The following OPCML variants were observed in gnomAD, a reference collection of about 807,000 sequenced individuals.
OPCML encodes opioid binding protein/cell adhesion molecule like, also known as opioid-binding protein/cell adhesion molecule.
OPCML carries 13 observed loss-of-function variants against 37.8 expected under a neutral mutation model. The observed-to-expected ratio is 0.34, with a 90% CI of 0.22 to 0.55. The LOEUF (loss-of-function observed/expected upper bound fraction) is 0.55, where lower values mean the gene tolerates loss of function less well. Among genes scored for constraint, OPCML ranks in the 20% least tolerant of loss-of-function variants. The pLI, the probability that OPCML is intolerant of heterozygous loss-of-function variation, is 0.91. For synonymous variants in OPCML, 176 were observed against 168.8 expected (o/e 1.04, Z -0.33); for missense variants, 341 against 435.6 (o/e 0.78, Z 1.93).
chr11:132,909,221 T>TA (rs916273465), intron 2 of OPCML, among the ~76,000 whole-genome samples: 24 of 151,280 alleles, frequency 1.6e-4, no homozygotes, highest in Admixed American at 3.9e-4. Context: ...ATCCACACTT[T>TA]AAAAAAAAAT....
intron 1 of OPCML, among the ~76,000 whole-genome samples, chr11:133,243,401 A>T (rs1002195244): frequency 6.6e-6 from 1 of 152,164 alleles, no homozygotes; most frequent in African/African-American, 2.4e-5. Context: ...TGTTGCAATA[A>T]CCAGCCACCA....
intron 3 of OPCML, among the ~76,000 whole-genome samples, chr11:132,539,017 T>A (rs902709560): frequency 6.6e-6 from 1 of 152,232 alleles, no homozygotes; most frequent in Admixed American, 6.5e-5. Flanking sequence ...TGACAACATA[T>A]GTATAACGAT....
intron 1 of OPCML, among the ~76,000 whole-genome samples, chr11:133,119,122 AG>A (rs1949382330): frequency 6.6e-6 from 1 of 152,026 alleles, no homozygotes; most frequent in East Asian, 1.9e-4. Flanking sequence ...CAACTTCTAC[AG>A]CCATCGTGCC....
chr11:132,927,333 A>C (rs978616054), intron 2 of OPCML, among the ~76,000 whole-genome samples: 1 of 152,164 alleles, frequency 6.6e-6, no homozygotes, highest in African/African-American at 2.4e-5. Context: ...AAAGATTCTC[A>C]ACAAGATCAT....
At chr11:132,828,621 C>T (rs1367760991) in intron 2 of OPCML, among the ~76,000 whole-genome samples, 2 of 143,692 alleles carry the variant, frequency 1.4e-5, no homozygotes, top group East Asian at 3.9e-4. Context: ...TATTGTTCAC[C>T]AACAGAAAAA....
At chr11:133,046,682 C>G (rs1948024111) in intron 1 of OPCML, among the ~76,000 whole-genome samples, 1 of 152,194 alleles carries the variant, frequency 6.6e-6, no homozygotes, top group African/African-American at 2.4e-5. Flanking sequence ...GGTGCCCATA[C>G]TGTGGTTCAC....
At chr11:132,977,512 A>G (rs1392418191) in intron 1 of OPCML, among the ~76,000 whole-genome samples, 1 of 152,262 alleles carries the variant, frequency 6.6e-6, no homozygotes, top group African/African-American at 2.4e-5. Flanking sequence ...CACTCACTGT[A>G]AATGCAGCCA....
intron 1 of OPCML, among the ~76,000 whole-genome samples, chr11:133,137,440 C>T (rs1400700162): frequency 6.6e-6 from 1 of 152,116 alleles, no homozygotes; most frequent in African/African-American, 2.4e-5. Flanking sequence ...TATTACTTGC[C>T]ATGTGTCTGT....
chr11:132,753,362 T>C (rs1945905152), intron 2 of OPCML, among the ~76,000 whole-genome samples: 2 of 152,186 alleles, frequency 1.3e-5, no homozygotes, highest in African/African-American at 4.8e-5. Flanking sequence ...ATTATGAGAG[T>C]TGCGAAGTCC....
At chr11:132,527,136 G>A (rs1278504383) in intron 4 of OPCML, among the ~76,000 whole-genome samples, 2 of 151,922 alleles carry the variant, frequency 1.3e-5, no homozygotes, top group Non-Finnish European at 2.9e-5. Context: ...GCCTGTCAAT[G>A]GTTATTTGGG....
In OPCML at chr11:132,936,369, T is replaced by C. The variant is rs1402422308; in HGVS notation, c.146+6557A>G. On this transcript the variant is annotated intron_variant, in intron 2 of 7. Transcript: ENST00000524381. ...CACATGATAACCATGTGACCAAAGG[T>C]AAGTGGTTTAACTTTTCTAAACCTG... is the stretch of plus-strand genomic sequence containing the variant. 3.3e-5 allele frequency among the ~76,000 whole-genome samples: 5 copies of C among 152,142 alleles called. No homozygotes were observed. In the East Asian group the frequency reaches 5.8e-4, roughly 18 times the overall value.
intron 2 of OPCML, among the ~76,000 whole-genome samples, chr11:132,866,334 T>G (rs989511043): frequency 6.6e-6 from 1 of 152,230 alleles, no homozygotes. Context: ...AAGCGCATCA[T>G]GAAATCATCA....
intron 1 of OPCML, among the ~76,000 whole-genome samples, chr11:133,472,208 T>C (rs1947132087): frequency 6.6e-6 from 1 of 152,186 alleles, no homozygotes; most frequent in Non-Finnish European, 1.5e-5. Flanking sequence ...TCAAATCCTC[T>C]GCAAATGCCA....
At chr11:133,080,209 C>G (rs1381493144) in intron 1 of OPCML, among the ~76,000 whole-genome samples, 2 of 152,142 alleles carry the variant, frequency 1.3e-5, no homozygotes, top group African/African-American at 4.8e-5. Flanking sequence ...AATCAACCTG[C>G]GGGACTGTAG....
chr11:133,323,897 C>G (rs577217342), intron 1 of OPCML, among the ~76,000 whole-genome samples: 1 of 152,196 alleles, frequency 6.6e-6, no homozygotes, highest in Non-Finnish European at 1.5e-5. Flanking sequence ...GGCTTGGTCT[C>G]TCCAATTCAG....
chr11:133,079,156 C>T (rs944729773), intron 1 of OPCML, among the ~76,000 whole-genome samples: 7 of 152,106 alleles, frequency 4.6e-5, no homozygotes, highest in Non-Finnish European at 8.8e-5. Context: ...AGACATTTGC[C>T]GTTGGCAAGC....
intron 7 of OPCML, among the ~76,000 whole-genome samples, chr11:132,424,649 C>A (rs899622233): frequency 6.6e-6 from 1 of 152,118 alleles, no homozygotes; most frequent in Non-Finnish European, 1.5e-5. Flanking sequence ...TAAATTCTGA[C>A]CCTGTGGGTT....
At chr11:133,284,638 T>G (rs1284817517) in intron 1 of OPCML, among the ~76,000 whole-genome samples, 1 of 152,142 alleles carries the variant, frequency 6.6e-6, no homozygotes, top group Non-Finnish European at 1.5e-5. Context: ...ATTACCATCT[T>G]GTGGTACTAG....
intron 1 of OPCML, among the ~76,000 whole-genome samples, chr11:133,033,177 T>C (rs1947705557): frequency 6.6e-6 from 1 of 152,198 alleles, no homozygotes; most frequent in Admixed American, 6.5e-5. Context: ...GCCTGCCTTC[T>C]TAGGAATTGA....
Sources: allele counts gnomAD v4.1 joint callset (sites outside exome capture counted in the v4.1 genomes callset), GRCh38; gene constraint gnomAD v4.1.1; transcripts MANE v1.5; gene names NCBI Gene and HGNC (gene_info 2026-07-23, HGNC 2026-07-21).